The following BUD31 variants were observed in gnomAD, a reference collection of about 807,000 sequenced individuals.
BUD31 encodes protein BUD31 homolog.
In BUD31, 9 loss-of-function variants were observed where a neutral mutation model predicts 17.9. The observed-to-expected ratio is 0.50, with a 90% CI of 0.30 to 0.88. BUD31 has a LOEUF of 0.88. Among genes scored for constraint, BUD31 ranks in the 40% least tolerant of loss-of-function variants. BUD31 has a pLI of 0.06. For synonymous variants in BUD31, 70 were observed against 64.7 expected (o/e 1.08, Z -0.39); for missense variants, 148 against 184.5 (o/e 0.80, Z 1.15).
At position 99,417,407 on chromosome 7, in the gene BUD31, T is replaced by A. The variant is rs182825113; in HGVS notation, c.218-22T>A. Reference sequence around the variant, plus strand: ...AGGTTTTTAGACCATGGCCTGATGCTCTTTCCCCATCTTTTTGACAGAACT... The same window carrying A: ...AGGTTTTTAGACCATGGCCTGATGCACTTTCCCCATCTTTTTGACAGAACT... On this transcript the variant is annotated intron_variant, in intron 4 of 5. Transcript: ENST00000222969. The A allele has an allele frequency of 1.3e-4, 210 of 1,612,186 alleles. No individual in the cohort carries two copies. The Middle Eastern group carries it at 2.0e-3, about 15-fold the overall frequency.
intron 1 of BUD31, among the ~76,000 whole-genome samples, chr7:99,409,802 A>C (rs1795105543): frequency 6.6e-6 from 1 of 150,732 alleles, no homozygotes; most frequent in African/African-American, 2.5e-5. Flanking sequence ...AAGTGTCAGT[A>C]CAGAAGGGAG....
chr7:99,417,809 C>G, intron 5 of BUD31: 1 of 1,507,424 alleles, frequency 6.6e-7, no homozygotes, highest in Non-Finnish European at 8.8e-7. Context: ...TCAATCTCAA[C>G]TCCACTTTTG....
At chr7:99,417,916 T>G in intron 5 of BUD31, 1 of 1,299,240 alleles carries the variant, frequency 7.7e-7, no homozygotes, top group South Asian at 1.5e-5. Flanking sequence ...GGACAACCAG[T>G]GAGTTCCTGT....
chr7:99,419,215 T>G, intron 5 of BUD31, 176 bp from the exon 6 acceptor site: 1 of 640,754 alleles, frequency 1.6e-6, no homozygotes, highest in Non-Finnish European at 2.8e-6. Flanking sequence ...AGCAGCTGGT[T>G]CTACCTTCAT....
Position 99,409,141 on chromosome 7 carries a change from T to A in BUD31, c.-270T>A, listed in dbSNP as rs572660793. The A allele has an allele frequency of 2.6e-4, 40 of 152,408 alleles. No homozygotes were observed. Among genetic ancestry groups the A allele is most frequent in the African/African-American group, 7.9e-4 (33 of 41,544 alleles). The allele number at this position is 152,408 out of a possible 1,614,324, so 9.4% of individuals were successfully genotyped here. ...TGGGATGTGTTCGGGCTTTGGACCTTGAGGCCGGAGAGAGCTCCCGAGAGG... is the reference window on the plus strand; with the variant it reads ...TGGGATGTGTTCGGGCTTTGGACCTAGAGGCCGGAGAGAGCTCCCGAGAGG... On this transcript the variant is annotated 5_prime_UTR_variant, in exon 1 of 6. It removes the in-frame stop codon of an upstream open reading frame in the 5' UTR. Coordinates refer to ENST00000222969, the MANE Select transcript of BUD31 (RefSeq NM_003910.4).
At chr7:99,418,765 A>G in intron 5 of BUD31, 1 of 152,490 alleles carries the variant, frequency 6.6e-6, no homozygotes. Context: ...TGTGGCCAAA[A>G]CAGCCCGCTG....
rs148597768 is a variant in BUD31 at position 99,415,102 on chromosome 7, G to A, written c.95-1036G>A. On this transcript the variant is annotated intron_variant, in intron 3 of 5. Transcript: ENST00000222969. ...TCTCCCCGTGTGTGGAGACGAGAGA[G>A]CGTAGAAATAAAGACACAAGACAAA... 753 of 420,386 alleles carry A rather than the reference G, an allele frequency of 1.8e-3. 5 individuals are homozygous for A. Among genetic ancestry groups the A allele is most frequent in the African/African-American group, 0.015 (703 of 48,330 alleles). 26.0% of individuals were successfully genotyped at this position (420,386 alleles called of 1,614,324 possible). A position where few individuals can be genotyped will look rare whatever the true frequency, so the allele number is the denominator to read the frequency against.
intron 3 of BUD31, among the ~76,000 whole-genome samples, chr7:99,412,794 TG>T (rs1264457749): frequency 0.018 from 2,689 of 150,640 alleles, 93 homozygotes; most frequent in African/African-American, 0.062. Context: ...TTTTTTTTTT[TG>T]TATTTTTAGT....
chr7:99,414,154 T>A (rs1252654150), intron 3 of BUD31, among the ~76,000 whole-genome samples: 1 of 151,966 alleles, frequency 6.6e-6, no homozygotes, highest in Non-Finnish European at 1.5e-5. Context: ...TTATTTTTTT[T>A]TTTGAGACGG....
At chr7:99,414,730 G>C (rs1034488774) in intron 3 of BUD31, among the ~76,000 whole-genome samples, 1 of 152,004 alleles carries the variant, frequency 6.6e-6, no homozygotes, top group East Asian at 1.9e-4. Context: ...CAAGTAGGTG[G>C]GATTACAGGC....
chr7:99,419,341 G>A, intron 5 of BUD31, 50 bp from the exon 6 acceptor site: 1 of 1,605,370 alleles, frequency 6.2e-7, no homozygotes, highest in Non-Finnish European at 8.5e-7. Flanking sequence ...TGAGTGTGCA[G>A]GGGCGAGCGT....
intron 5 of BUD31, chr7:99,419,150 T>C: frequency 1.8e-6 from 1 of 557,476 alleles, no homozygotes; most frequent in South Asian, 2.1e-5. Flanking sequence ...CAAACGTGTG[T>C]TGGATTTGCA....
At chr7:99,419,214 T>A in intron 5 of BUD31, 177 bp from the exon 6 acceptor site, 1 of 637,432 alleles carries the variant, frequency 1.6e-6, no homozygotes, top group Admixed American at 2.5e-5. Flanking sequence ...CAGCAGCTGG[T>A]TCTACCTTCA....
intron 4 of BUD31, among the ~76,000 whole-genome samples, 196 bp downstream of exon 4, chr7:99,416,456 G>A (rs1795468506): frequency 6.6e-6 from 1 of 152,126 alleles, no homozygotes; most frequent in Admixed American, 6.6e-5. Context: ...GTCTCACTCT[G>A]TCACCCAGGC....
chr7:99,409,804 A>C (rs1006888810), intron 1 of BUD31, among the ~76,000 whole-genome samples: 1 of 151,476 alleles, frequency 6.6e-6, no homozygotes, highest in Non-Finnish European at 1.5e-5. Context: ...GTGTCAGTAC[A>C]GAAGGGAGTG....
rs1327502133 is a variant in BUD31, at chr7:99,416,162, A to G, written c.119A>G (p.Lys40Arg). The change falls in exon 4 of 6, where the codon AAG (lysine) becomes AGG (arginine). Residue 40 changes from lysine to arginine, a missense_variant. Coordinates refer to ENST00000222969, the MANE Select transcript of BUD31 (RefSeq NM_003910.4). Reference protein sequence around the residue: ...REAETEPHEGKRKVESLWPIF... With the variant: ...REAETEPHEGRRKVESLWPIF... ...GCTGAAACAGAACCGCATGAGGGAA[A>G]GAGGAAAGTGGAATCTCTGTGGCCC... is the stretch of plus-strand genomic sequence containing the variant. The G allele has an allele frequency of 6.2e-7, 1 of 1,613,996 alleles. No homozygotes were observed. The highest frequency in any genetic ancestry group is 1.1e-5 in the South Asian group (1 of 91,082).
At chr7:99,414,342 G>A (rs1246325385) in intron 3 of BUD31, among the ~76,000 whole-genome samples, 4 of 152,030 alleles carry the variant, frequency 2.6e-5, no homozygotes, top group African/African-American at 7.2e-5. Context: ...GTTTCACCAC[G>A]TTGGTCAGGC....
At chr7:99,412,076 G>T in intron 3 of BUD31, 1 of 172,552 alleles carries the variant, frequency 5.8e-6, no homozygotes, top group Non-Finnish European at 1.3e-5. Flanking sequence ...TTATGAGGTC[G>T]TACCTCCAGC....
intron 3 of BUD31, among the ~76,000 whole-genome samples, chr7:99,414,864 C>T (rs368594676): frequency 1.3e-5 from 2 of 152,184 alleles, no homozygotes; most frequent in South Asian, 2.1e-4. Flanking sequence ...TCCCAAAGTG[C>T]TGGGATTACA....
Sources: gnomAD v4.1 joint callset for allele counts (sites outside exome capture counted in the v4.1 genomes callset) on GRCh38, gnomAD v4.1.1 for gene constraint, MANE v1.5 for transcripts, NCBI Gene and HGNC (gene_info 2026-07-23, HGNC 2026-07-21) for gene names.